ZNF534: variants seen among roughly 807,000 people sequenced by gnomAD.
ZNF534 encodes KRAB domain only 3.
Under a neutral mutation model 13.6 loss-of-function variants are expected in ZNF534, and 19 were observed. The ratio of observed to expected loss-of-function variants is 1.40; its 90% CI spans 0.97 to 2.05. The LOEUF (loss-of-function observed/expected upper bound fraction) is 2.05, where lower values mean the gene tolerates loss of function less well. Ranked by LOEUF, ZNF534 falls within the 30% of genes most tolerant of loss-of-function variation. The probability of loss-of-function intolerance (pLI) is 0.00; values close to 1 mark genes in which losing one functional copy is unlikely to be tolerated. For synonymous variants in ZNF534, 244 were observed against 273.8 expected, an observed-to-expected ratio of 0.89 and a Z score of 1.07; for missense variants, 782 against 796.3, an observed-to-expected ratio of 0.98 and a Z score of 0.22.
intron 2 of ZNF534, 74 bp from the exon 3 acceptor site, chr19:52,433,881 A>G: frequency 6.3e-7 from 1 of 1,580,692 alleles, no homozygotes; most frequent in Non-Finnish European, 8.7e-7. Context: ...GAGTCCTTAC[A>G]ACTGTCTTCT....
At chr19:52,450,670 GTTTTTT>G in intron 4 of ZNF534, among the ~76,000 whole-genome samples, 1 of 37,782 alleles carries the variant, frequency 2.6e-5, no homozygotes, top group African/African-American at 8.4e-5. Flanking sequence ...AATTTTAGGA[GTTTTTT>G]TTTTTTTTGT....
chr19:52,437,172 T>C (rs1208314193), intron 4 of ZNF534, among the ~76,000 whole-genome samples: 4 of 152,190 alleles, frequency 2.6e-5, no homozygotes, highest in Admixed American at 2.6e-4. Context: ...TATCCCTGCT[T>C]TTTCACAGAA....
Position 52,440,491 on chromosome 19 carries a change from A to G in ZNF534, c.*1045A>G, listed in dbSNP as rs1232806853. On this transcript the variant is annotated 3_prime_UTR_variant, in exon 5 of 5. Coordinates refer to ENST00000433050, the MANE Select transcript of ZNF534 (RefSeq NM_001143938.3). ...TCACATCTTGCACATCAAATAATTC[A>G]TACTGGAGGCTGGGTGCGGTGGCTC... 6.6e-6 allele frequency among the ~76,000 whole-genome samples: 1 copy of G among 152,192 alleles called. No homozygotes were observed. Among genetic ancestry groups the G allele is most frequent in the Non-Finnish European group, 1.5e-5 (1 of 68,040 alleles).
downstream of ZNF534, among the ~76,000 whole-genome samples, chr19:52,443,167 C>T (rs1024761533): frequency 1.3e-5 from 2 of 152,130 alleles, no homozygotes; most frequent in African/African-American, 4.8e-5. Flanking sequence ...CATGCATTTT[C>T]TCTTAAGTCT....
At position 52,437,787 on chromosome 19, in the gene ZNF534, T is replaced by A. The variant is rs1376983445; in HGVS notation, c.327T>A (p.His109Gln). Residue 109 changes from histidine (H) to glutamine (Q), a missense_variant, in exon 5 of 5, where the codon CAT (histidine) becomes CAA (glutamine). Transcript: ENST00000433050. ...GAAACAAGTCACTTAAAAATCAACATGGATTAACTCTTCAGTTACATCTGA... is the reference window on the plus strand; with the variant it reads ...GAAACAAGTCACTTAAAAATCAACAAGGATTAACTCTTCAGTTACATCTGA... ...SAGNKSLKNQHGLTLQLHLTE... is the reference protein window; with the variant it reads ...SAGNKSLKNQQGLTLQLHLTE... 6.2e-7 allele frequency: 1 copy of A among 1,604,636 alleles called. No homozygotes were observed. Among genetic ancestry groups the A allele is most frequent in the South Asian group, 1.1e-5 (1 of 89,148 alleles).
chr19:52,440,624 T>TA lies in ZNF534; in HGVS notation c.*1186dup, dbSNP rs895613801. 1.4e-4 allele frequency among the ~76,000 whole-genome samples: 21 copies of TA among 151,070 alleles called. No homozygotes were observed. The highest frequency in any genetic ancestry group is 6.3e-4 in the South Asian group (3 of 4,754). On this transcript the variant is annotated 3_prime_UTR_variant, in exon 5 of 5. Coordinates refer to ENST00000433050, the MANE Select transcript of ZNF534 (RefSeq NM_001143938.3). ...GTTGAAACCCCATCACTACTAAAAA[T>TA]AAAAAAAATAGCTGGGTGTGGTGGT...
intron 2 of ZNF534, among the ~76,000 whole-genome samples, chr19:52,433,123 G>C (rs1382034206): frequency 6.7e-6 from 1 of 150,070 alleles, no homozygotes; most frequent in Non-Finnish European, 1.5e-5. Context: ...TGAGCCTGTA[G>C]TCCCAGCTAC....
chr19:52,450,960 AC>A (rs2059212358), intron 4 of ZNF534, among the ~76,000 whole-genome samples: 1 of 152,106 alleles, frequency 6.6e-6, no homozygotes, highest in African/African-American at 2.4e-5. Context: ...TGCTGGAATT[AC>A]AGGCACAAGC....
At position 52,438,614 on chromosome 19, in the gene ZNF534, A is replaced by T. The variant is rs1458802781; in HGVS notation, c.1154A>T (p.Asn385Ile). Residue 385 changes from asparagine to isoleucine, a missense_variant, in exon 5 of 5, where the codon AAT becomes ATT. By Grantham distance (149) the Asn-to-Ile change is moderately radical. This residue lies in a region of ZNF534 where 591 missense variants were observed against 574.0 expected (regional missense o/e 1.03). Transcript: ENST00000433050. ...VHTGEKPYKC[N>I]ECGKVFIGNS... ...ACTGGAGAGAAACCTTACAAATGTA[A>T]TGAGTGTGGCAAGGTCTTTATTGGC... 4 of 1,590,010 alleles carry T rather than the reference A, an allele frequency of 2.5e-6. No homozygotes were observed. The African/African-American group carries it at 4.0e-5, about 16-fold the overall frequency.
chr19:52,449,389 CA>C (rs2122729354), intron 4 of ZNF534, among the ~76,000 whole-genome samples: 2 of 148,438 alleles, frequency 1.3e-5, no homozygotes, highest in Non-Finnish European at 3.0e-5. Context: ...TCTCTCTTTC[CA>C]ACAGTGGAAT....
chr19:52,441,743 CAT>C lies in ZNF534; in HGVS notation c.*2299_*2300del, dbSNP rs2059173989. The stretch of plus-strand genomic sequence containing the variant: ...GAAATTCACATCTTGCGAATCACCA[CAT>C]AGAGAGAAACCTTACAAATACAAAT... On this transcript the variant is annotated 3_prime_UTR_variant, in exon 5 of 5. Transcript: ENST00000433050. 6.6e-6 allele frequency among the ~76,000 whole-genome samples: 1 copy of C among 152,178 alleles called. No individual in the cohort carries two copies. The highest frequency in any genetic ancestry group is 1.5e-5 in the Non-Finnish European group (1 of 68,046).
At chr19:52,451,881 G>A in exon 5 of ZNF534, 1 of 686,838 alleles carries the variant, frequency 1.5e-6, no homozygotes, top group Non-Finnish European at 2.6e-6. Flanking sequence ...AATAGAAGAA[G>A]TTCAAGCTTT....
At chr19:52,446,066 A>G (rs2168794), downstream of ZNF534, among the ~76,000 whole-genome samples, 128,741 of 152,140 alleles carry the variant, frequency 0.85, 56,230 homozygotes, top group Non-Finnish European at 0.96. Flanking sequence ...CTTTAATTCA[A>G]TGGAGGTACC....
intron 2 of ZNF534, among the ~76,000 whole-genome samples, chr19:52,432,761 T>C (rs2059096581): frequency 6.6e-6 from 1 of 151,934 alleles, no homozygotes; most frequent in South Asian, 2.1e-4. Flanking sequence ...GCCTCCTGAG[T>C]AGCTGGGATT....
At chr19:52,444,323 G>T (rs1462240404), downstream of ZNF534, among the ~76,000 whole-genome samples, 1 of 152,200 alleles carries the variant, frequency 6.6e-6, no homozygotes, top group Non-Finnish European at 1.5e-5. Context: ...GGTACTGGGG[G>T]TTGTCTGCAC....
At chr19:52,450,752 T>C (rs553848810) in intron 4 of ZNF534, among the ~76,000 whole-genome samples, 18 of 140,596 alleles carry the variant, frequency 1.3e-4, no homozygotes, top group Non-Finnish European at 2.3e-4. Context: ...AGTAGTGCGA[T>C]TTCAGCTCAC....
chr19:52,450,006 G>A (rs1210360199), intron 4 of ZNF534, among the ~76,000 whole-genome samples: 1 of 152,072 alleles, frequency 6.6e-6, no homozygotes, highest in African/African-American at 2.4e-5. Flanking sequence ...GGGCTACAGA[G>A]TGAGACTCCG....
At position 52,439,055 on chromosome 19, in the gene ZNF534, G is replaced by A. The variant is rs749239167; in HGVS notation, c.1595G>A (p.Arg532His). Residue 532 changes from arginine to histidine, a missense_variant, in exon 5 of 5, where the codon CGT becomes CAT. This residue lies in a region of ZNF534 where 591 missense variants were observed against 574.0 expected (regional missense o/e 1.03). Coordinates refer to ENST00000433050, the MANE Select transcript of ZNF534 (RefSeq NM_001143938.3). ...YSCNECGKVF[R>H]RNSHLVRHRN... The stretch of plus-strand genomic sequence containing the variant: ...TGTAATGAATGTGGCAAGGTCTTCC[G>A]TCGGAATTCACACCTTGTGCGACAT... 6.6e-5 allele frequency: 106 copies of A among 1,595,648 alleles called. 2 individuals carry two copies. Among genetic ancestry groups the A allele is most frequent in the South Asian group, 4.5e-4 (40 of 89,282 alleles).
chr19:52,433,236 C>CAAAAAAAAA (rs1171627054), intron 2 of ZNF534, among the ~76,000 whole-genome samples: 15 of 64,594 alleles, frequency 2.3e-4, no homozygotes, highest in African/African-American at 2.9e-4. Flanking sequence ...GATCCTATCT[C>CAAAAAAAAA]AAAAAAAAAA....
Sources: gnomAD v4.1 joint callset for allele counts (sites outside exome capture counted in the v4.1 genomes callset) on GRCh38, gnomAD v4.1.1 for gene constraint, gnomAD v4.1.1 regional missense constraint, MANE v1.5 for transcripts, NCBI Gene and HGNC (gene_info 2026-07-23, HGNC 2026-07-21) for gene names.